ANKRD31: variants seen among roughly 807,000 people sequenced by gnomAD.
The protein encoded by ANKRD31 is ankyrin repeat domain 31.
ANKRD31 carries 147 observed loss-of-function variants against 186.0 expected under a neutral mutation model. The observed-to-expected ratio is 0.79, with a 90% CI of 0.69 to 0.91. The LOEUF (loss-of-function observed/expected upper bound fraction) is 0.91. Among genes scored for constraint, ANKRD31 ranks in the 40% least tolerant of loss-of-function variants. ANKRD31 has a pLI of 0.00. For synonymous variants in ANKRD31, 673 were observed against 736.4 expected (o/e 0.91, Z 1.39); for missense variants, 1,986 against 2,148.8 (o/e 0.92, Z 1.50).
intron 10 of ANKRD31, among the ~76,000 whole-genome samples, chr5:75,174,666 A>T (rs1424810728): frequency 6.6e-6 from 1 of 152,260 alleles, no homozygotes. Context: ...AATGCAAATC[A>T]AAACCACAAA....
At chr5:75,213,255 A>C (rs1451472624) in intron 3 of ANKRD31, among the ~76,000 whole-genome samples, 2 of 152,138 alleles carry the variant, frequency 1.3e-5, no homozygotes. Context: ...CTGCAAAGTA[A>C]TTTTTCAAAT....
intron 17 of ANKRD31, among the ~76,000 whole-genome samples, chr5:75,128,964 G>A (rs912169341): frequency 1.3e-5 from 2 of 152,072 alleles, no homozygotes; most frequent in Non-Finnish European, 2.9e-5. Flanking sequence ...AAAGGCCAAA[G>A]GGCTTCTAAC....
chr5:75,121,348 T>C (rs1254486177), intron 17 of ANKRD31, among the ~76,000 whole-genome samples: 1 of 152,110 alleles, frequency 6.6e-6, no homozygotes, highest in East Asian at 1.9e-4. Flanking sequence ...CAGATAGCAA[T>C]ACAATAATAC....
rs528189301 is a variant in ANKRD31, at chr5:75,195,750, T to G, written c.898A>C (p.Lys300Gln). ...LEALNTLSEAKVETICHRKEG... is the reference protein window; with the variant it reads ...LEALNTLSEAQVETICHRKEG... Reference sequence around the variant, plus strand: ...TTTCTGTGACAGATGGTTTCCACCTTGGCTTCTGACAATGTGTTCAGGGCT... The same window carrying G: ...TTTCTGTGACAGATGGTTTCCACCTGGGCTTCTGACAATGTGTTCAGGGCT... The change falls in exon 7 of 26, where the codon AAG (lysine) becomes CAG (glutamine). Residue 300 changes from lysine (K) to glutamine (Q), a missense_variant. Coordinates refer to ENST00000506364, the MANE Select transcript of ANKRD31 (RefSeq NM_001372053.1). The G allele has an allele frequency of 5.9e-6, 9 of 1,537,558 alleles. No individual in the cohort carries two copies. In the South Asian group the frequency reaches 7.1e-5, roughly 12 times the overall value.
chr5:75,202,279 G>T (rs1335642670), intron 5 of ANKRD31, among the ~76,000 whole-genome samples: 1 of 152,130 alleles, frequency 6.6e-6, no homozygotes, highest in Non-Finnish European at 1.5e-5. Flanking sequence ...TATGCCAACA[G>T]GTACTATTTT....
chr5:75,157,265 T>C (rs574297756), intron 11 of ANKRD31, among the ~76,000 whole-genome samples: 1 of 152,282 alleles, frequency 6.6e-6, no homozygotes, highest in South Asian at 2.1e-4. Flanking sequence ...CGTTCCTTGC[T>C]ATACAGTACC....
At chr5:75,235,780 CTT>C (rs1334711288) in intron 1 of ANKRD31, among the ~76,000 whole-genome samples, 1 of 152,168 alleles carries the variant, frequency 6.6e-6, no homozygotes, top group African/African-American at 2.4e-5. Context: ...CAGAATCCCC[CTT>C]TTTTCTCTCT....
At chr5:75,073,203 G>A (rs1408531937) in intron 25 of ANKRD31, among the ~76,000 whole-genome samples, 1 of 151,788 alleles carries the variant, frequency 6.6e-6, no homozygotes, top group East Asian at 1.9e-4. Context: ...AGGCTGAGAT[G>A]GGAGGATCAC....
At chr5:75,141,948 A>G (rs776386253) in intron 15 of ANKRD31, among the ~76,000 whole-genome samples, 5 of 152,306 alleles carry the variant, frequency 3.3e-5, no homozygotes, top group Admixed American at 1.3e-4. Flanking sequence ...TACTAACATC[A>G]TAAGTTTGTA....
chr5:75,102,637 G>A (rs757949388), intron 22 of ANKRD31, among the ~76,000 whole-genome samples: 5 of 152,290 alleles, frequency 3.3e-5, no homozygotes, highest in East Asian at 1.9e-4. Context: ...AATGGCGGAC[G>A]CCACTCCCTC....
chr5:75,177,177 T>G (rs552307667), intron 10 of ANKRD31, among the ~76,000 whole-genome samples: 90 of 152,082 alleles, frequency 5.9e-4, no homozygotes, highest in African/African-American at 2.2e-3. Flanking sequence ...AAGAAAAGTT[T>G]AGAGAAAAAA....
chr5:75,190,290 C>T (rs1755016198), intron 9 of ANKRD31, among the ~76,000 whole-genome samples: 2 of 152,148 alleles, frequency 1.3e-5, no homozygotes, highest in African/African-American at 2.4e-5. Flanking sequence ...CAAAGTACTG[C>T]GACTCTAGGC....
intron 10 of ANKRD31, among the ~76,000 whole-genome samples, chr5:75,178,896 G>A (rs907498748): frequency 5.9e-5 from 9 of 152,280 alleles, no homozygotes; most frequent in Middle Eastern, 3.4e-3. Context: ...GAGCAGAACT[G>A]AAGGAAATAG....
intron 23 of ANKRD31, among the ~76,000 whole-genome samples, chr5:75,089,259 G>GC (rs1745748858): frequency 6.6e-6 from 1 of 152,164 alleles, no homozygotes; most frequent in Admixed American, 6.5e-5. Flanking sequence ...AGTCAGTGAT[G>GC]CCCTCTCTGA....
intron 1 of ANKRD31, among the ~76,000 whole-genome samples, chr5:75,231,004 G>C (rs1476499700): frequency 6.6e-6 from 1 of 152,104 alleles, no homozygotes; most frequent in Non-Finnish European, 1.5e-5. Flanking sequence ...CTCTATACCA[G>C]AGAACTTGAA....
chr5:75,215,931 A>C (rs941631153), intron 3 of ANKRD31, among the ~76,000 whole-genome samples: 1 of 152,170 alleles, frequency 6.6e-6, no homozygotes, highest in African/African-American at 2.4e-5. Context: ...TCATAGGATA[A>C]AACAATGAAA....
intron 17 of ANKRD31, among the ~76,000 whole-genome samples, chr5:75,136,703 A>T (rs1426445325): frequency 6.6e-6 from 1 of 152,234 alleles, no homozygotes; most frequent in Non-Finnish European, 1.5e-5. Context: ...TGCTATAAAG[A>T]CACATGCACA....
At chr5:75,133,866 C>T (rs60722527) in intron 17 of ANKRD31, among the ~76,000 whole-genome samples, 1 of 152,146 alleles carries the variant, frequency 6.6e-6, no homozygotes, top group African/African-American at 2.4e-5. Context: ...GAAACTCACT[C>T]AAAACCGCTC....
intron 11 of ANKRD31, among the ~76,000 whole-genome samples, chr5:75,167,041 TCC>T (rs74699205): frequency 6.6e-6 from 1 of 151,806 alleles, no homozygotes; most frequent in African/African-American, 2.4e-5. Context: ...ACATTTTCAT[TCC>T]CCCTAAAAGA....
Sources: allele counts gnomAD v4.1 joint callset (sites outside exome capture counted in the v4.1 genomes callset), GRCh38; gene constraint gnomAD v4.1.1; transcripts MANE v1.5; gene names NCBI Gene and HGNC (gene_info 2026-07-23, HGNC 2026-07-21).